Variants in STOX2 observed in about 807,000 individuals in gnomAD.
STOX2 encodes storkhead-box protein 2.
In STOX2, 28 loss-of-function variants were observed where a neutral mutation model predicts 60.9. That is an observed-to-expected ratio of 0.46 (90% CI 0.34 to 0.63). The LOEUF is 0.63. STOX2 is among the 30% of genes least tolerant of loss of function. The probability of loss-of-function intolerance (pLI) is 0.01; values close to 1 mark genes in which losing one functional copy is unlikely to be tolerated. For synonymous variants in STOX2, 472 were observed against 463.9 expected (o/e 1.02, Z -0.22); for missense variants, 1,024 against 1,187.7 (o/e 0.86, Z 2.03).
In STOX2 at chr4:183,821,730, A is replaced by C. The variant is rs1739306750; in HGVS notation, c.364+23675A>C. ...CCCTTTTGAGCCCTGCCTAGAGGGG[A>C]GGGGAGGGGTCCCTGCTGCTCCAGC... On this transcript the variant is annotated intron_variant, in intron 1 of 2. Transcript: ENST00000513034. The surrounding 1 kb of genome is among the most constrained non-coding windows in gnomAD (Gnocchi z 4.2). Among the ~76,000 whole-genome samples the C allele has an allele frequency of 6.6e-6, 1 of 152,066 alleles. No individual in the cohort carries two copies. Among genetic ancestry groups the C allele is most frequent in the Non-Finnish European group, 1.5e-5 (1 of 67,984 alleles).
intron 1 of STOX2, among the ~76,000 whole-genome samples, chr4:183,863,789 A>G (rs1740504015): frequency 6.6e-6 from 1 of 152,252 alleles, no homozygotes; most frequent in Non-Finnish European, 1.5e-5. Flanking sequence ...ACCTGTTTTC[A>G]TACAGATTAT....
rs1240766443 is a variant in STOX2 at position 184,020,499 on chromosome 4, G to A, written c.*3215G>A. 1.3e-5 allele frequency: 2 copies of A among 152,094 alleles called. No individual in the cohort carries two copies. The highest frequency in any genetic ancestry group is 2.9e-5 in the Non-Finnish European group (2 of 68,024). 9.4% of individuals were successfully genotyped at this position (152,094 alleles called of 1,614,324 possible). ...GTTTTCAGTAACAGAAGACACACAA[G>A]CAATGTGGACTGCCAAGCTTGAAGC... On this transcript the variant is annotated 3_prime_UTR_variant, in exon 4 of 4. Transcript: ENST00000308497.
intron 1 of STOX2, among the ~76,000 whole-genome samples, chr4:183,978,900 T>A (rs35723722): frequency 0.21 from 32,639 of 152,142 alleles, 4,266 homozygotes; most frequent in Middle Eastern, 0.3. Flanking sequence ...TCTACACATG[T>A]GTTAAAACTT....
chr4:183,933,290 A>G (rs1742490081), intron 1 of STOX2, among the ~76,000 whole-genome samples: 1 of 152,226 alleles, frequency 6.6e-6, no homozygotes, highest in Non-Finnish European at 1.5e-5. Context: ...ATTTAGCCAA[A>G]GACGTAATTG....
chr4:183,818,423 C>T (rs192260252), intron 1 of STOX2, among the ~76,000 whole-genome samples: 4 of 152,200 alleles, frequency 2.6e-5, no homozygotes, highest in South Asian at 2.1e-4. Context: ...GGTAAGGTCA[C>T]AGATCAACAG....
chr4:183,925,930 T>A (rs188235361), intron 1 of STOX2, among the ~76,000 whole-genome samples: 2 of 152,292 alleles, frequency 1.3e-5, no homozygotes, highest in South Asian at 4.1e-4. Context: ...TGAACTTTTA[T>A]TTATGGCAGT....
In STOX2 at chr4:184,017,198, C is replaced by T. The variant is rs369433755; in HGVS notation, c.2695C>T (p.Arg899Ter). 4.3e-6 allele frequency: 7 copies of T among 1,612,598 alleles called. No individual in the cohort carries two copies. Among genetic ancestry groups the T allele is most frequent in the African/African-American group, 1.3e-5 (1 of 74,884 alleles). ...TGGAGCTGGTCCAGCCTTCAACTTC[C>T]GAGCGAGCGCGGAGCCCCCGACAAA... ...HGGAGPAFNFRASAEPPTNEA... is the reference protein window; with the variant it reads ...HGGAGPAFNF The change falls in exon 4 of 4, where the codon CGA becomes TGA. Residue 899 changes from arginine (R) to a stop codon, truncating the protein, a stop_gained. Coordinates refer to ENST00000308497, the MANE Select transcript of STOX2 (RefSeq NM_020225.3). LOFTEE classifies it high-confidence loss of function.
At chr4:183,923,563 T>G (rs1345829978) in intron 1 of STOX2, among the ~76,000 whole-genome samples, 1 of 152,246 alleles carries the variant, frequency 6.6e-6, no homozygotes, top group African/African-American at 2.4e-5. Flanking sequence ...TTCTTGTGCT[T>G]GTATTTGAAT....
intron 1 of STOX2, among the ~76,000 whole-genome samples, chr4:183,882,483 T>A (rs768036874): frequency 6.6e-6 from 1 of 152,240 alleles, no homozygotes; most frequent in Non-Finnish European, 1.5e-5. Context: ...CTTCTATCAC[T>A]TCATTCTATC....
At chr4:183,835,880 C>G (rs1261434043) in intron 1 of STOX2, among the ~76,000 whole-genome samples, 6 of 152,176 alleles carry the variant, frequency 3.9e-5, no homozygotes, top group African/African-American at 7.2e-5. Flanking sequence ...GGGTATACAC[C>G]TAGGAGTGGA....
At chr4:183,882,102 G>A (rs1394270856) in intron 1 of STOX2, among the ~76,000 whole-genome samples, 1 of 152,200 alleles carries the variant, frequency 6.6e-6, no homozygotes, top group Admixed American at 6.5e-5. Context: ...ACTGTACACT[G>A]ATACCCAGCT....
chr4:184,000,191 C>G (rs1283395383), intron 1 of STOX2, among the ~76,000 whole-genome samples: 1 of 152,168 alleles, frequency 6.6e-6, no homozygotes, highest in Non-Finnish European at 1.5e-5. Context: ...GGGGGCACCT[C>G]CATCCCAGAA....
chr4:183,825,633 G>A lies in STOX2; in HGVS notation c.364+27578G>A, dbSNP rs930015333. Among the ~76,000 whole-genome samples, 8 of 152,184 alleles carry A rather than the reference G, an allele frequency of 5.3e-5. No individual in the cohort carries two copies. The highest frequency in any genetic ancestry group is 1.4e-4 in the African/African-American group (6 of 41,442). Reference sequence around the variant, plus strand: ...GCCCGTCCTCTGTGTCCCAGGACTCGCGGTGAAGCCCTGAGCATGGGCTTC... The same window carrying A: ...GCCCGTCCTCTGTGTCCCAGGACTCACGGTGAAGCCCTGAGCATGGGCTTC... On this transcript the variant is annotated intron_variant, in intron 1 of 2. Coordinates refer to the STOX2 transcript ENST00000513034. The surrounding 1 kb of genome is among the most constrained non-coding windows in gnomAD (Gnocchi z 4.1).
intron 1 of STOX2, among the ~76,000 whole-genome samples, chr4:183,959,267 T>C (rs7658276): frequency 0.056 from 8,473 of 152,230 alleles, 654 homozygotes; most frequent in African/African-American, 0.18. Flanking sequence ...GACAAATTTT[T>C]ACCTTAGAAT....
intron 1 of STOX2, among the ~76,000 whole-genome samples, chr4:183,919,444 T>A (rs1579416579): frequency 6.6e-6 from 1 of 151,428 alleles, no homozygotes; most frequent in African/African-American, 2.4e-5. Flanking sequence ...CGCCGGGAGG[T>A]GTCTGTTAAG....
chr4:183,822,982 G>C (rs10033387), intron 1 of STOX2, among the ~76,000 whole-genome samples: 1 of 152,144 alleles, frequency 6.6e-6, no homozygotes, highest in African/African-American at 2.4e-5. Context: ...TCCTGTGTCC[G>C]ACCCATCTGC....
chr4:183,957,686 T>G (rs1265321791), intron 1 of STOX2, among the ~76,000 whole-genome samples: 1 of 152,226 alleles, frequency 6.6e-6, no homozygotes, highest in Non-Finnish European at 1.5e-5. Context: ...CCTCATCAGT[T>G]TTTGAGCCTT....
chr4:183,953,191 A>T (rs116850362), intron 1 of STOX2, among the ~76,000 whole-genome samples: 3,427 of 150,664 alleles, frequency 0.023, 105 homozygotes, highest in East Asian at 0.097. Context: ...GTATAATTTT[A>T]AAAAAAAAAG....
At chr4:183,800,779 G>C (rs1354285538) in intron 1 of STOX2, among the ~76,000 whole-genome samples, 2 of 152,212 alleles carry the variant, frequency 1.3e-5, no homozygotes, top group Non-Finnish European at 2.9e-5. Flanking sequence ...TCCCACCATA[G>C]AGAGTGGTAA....
Sources: gnomAD v4.1 joint callset for allele counts (sites outside exome capture counted in the v4.1 genomes callset) on GRCh38, gnomAD v4.1.1 for gene constraint, Gnocchi (gnomAD v3.1) non-coding constraint, MANE v1.5 for transcripts, NCBI Gene and HGNC (gene_info 2026-07-23, HGNC 2026-07-21) for gene names.